WDR35: variants seen among roughly 807,000 people sequenced by gnomAD.
WDR35 encodes the protein WD repeat-containing protein 35.
In WDR35, 118 loss-of-function variants were observed where a neutral mutation model predicts 158.3. That is an observed-to-expected ratio of 0.75 (90% confidence interval 0.64 to 0.87). The LOEUF (loss-of-function observed/expected upper bound fraction) is 0.87. WDR35 is among the 40% of genes least tolerant of loss of function. The probability of loss-of-function intolerance (pLI) is 0.00; values close to 1 mark genes in which losing one functional copy is unlikely to be tolerated. For missense variants in WDR35, 1,263 were observed against 1,405.8 expected, an observed-to-expected ratio of 0.90 and a Z score of 1.62; for synonymous variants, 448 against 476.1, an observed-to-expected ratio of 0.94 and a Z score of 0.77.
At chr2:19,980,295 G>C (rs1189385951) in intron 4 of WDR35, among the ~76,000 whole-genome samples, 1 of 151,792 alleles carries the variant, frequency 6.6e-6, no homozygotes, top group Non-Finnish European at 1.5e-5. Context: ...TTTCCCCTCA[G>C]AGCTTACAGT....
chr2:19,939,737 G>T (rs1670809083), intron 17 of WDR35, among the ~76,000 whole-genome samples: 1 of 151,534 alleles, frequency 6.6e-6, no homozygotes, highest in African/African-American at 2.4e-5. Flanking sequence ...TTTCTGTTTT[G>T]CTTGAATTCT....
chr2:19,986,151 G>C (rs1672559276), intron 2 of WDR35, among the ~76,000 whole-genome samples: 2 of 152,178 alleles, frequency 1.3e-5, no homozygotes, highest in South Asian at 2.1e-4. Flanking sequence ...AAGATTTCCA[G>C]CTTGAGCAAA....
At chr2:19,980,912 C>T (rs527989888) in intron 3 of WDR35, 129 bp from the exon 4 acceptor site, 2 of 761,828 alleles carry the variant, frequency 2.6e-6, no homozygotes, top group Non-Finnish European at 4.3e-6. Context: ...CTTTAATATT[C>T]CTCAAAACCT....
intron 2 of WDR35, among the ~76,000 whole-genome samples, chr2:19,984,048 TAC>T (rs1246063022): frequency 0.015 from 315 of 21,060 alleles, 5 homozygotes; most frequent in African/African-American, 0.075. Flanking sequence ...TATACATATA[TAC>T]ACACACCCAC....
intron 9 of WDR35, among the ~76,000 whole-genome samples, chr2:19,967,643 T>C (rs1671899942): frequency 6.6e-6 from 1 of 152,034 alleles, no homozygotes; most frequent in African/African-American, 2.4e-5. Context: ...ATTATCATGA[T>C]TGTGTTTACC....
intron 25 of WDR35, among the ~76,000 whole-genome samples, chr2:19,920,462 A>G (rs1398494992): frequency 2.6e-5 from 4 of 152,242 alleles, no homozygotes; most frequent in African/African-American, 9.6e-5. Context: ...CCACATAAAC[A>G]AAACCAGTGA....
At chr2:19,987,112 G>A (rs1204997006) in intron 2 of WDR35, among the ~76,000 whole-genome samples, 4 of 152,184 alleles carry the variant, frequency 2.6e-5, no homozygotes, top group Admixed American at 2.0e-4. Context: ...ATTTATGGAC[G>A]TAGAGGATTG....
At chr2:19,977,085 G>A (rs1021881276) in intron 5 of WDR35, among the ~76,000 whole-genome samples, 3 of 152,098 alleles carry the variant, frequency 2.0e-5, no homozygotes, top group African/African-American at 7.2e-5. Context: ...TCCCGCCTTG[G>A]CTTCCCAAAG....
At chr2:19,964,948 CAG>C (rs887988045) in intron 10 of WDR35, among the ~76,000 whole-genome samples, 2 of 150,876 alleles carry the variant, frequency 1.3e-5, no homozygotes, top group African/African-American at 2.4e-5. Flanking sequence ...TTTTTTGAGA[CAG>C]AGTCTCACTT....
chr2:19,958,399 C>G (rs1424528890), intron 11 of WDR35, among the ~76,000 whole-genome samples: 1 of 152,086 alleles, frequency 6.6e-6, no homozygotes, highest in African/African-American at 2.4e-5. Context: ...TTACCTGGCA[C>G]CTAGAGCAAT....
intron 16 of WDR35, among the ~76,000 whole-genome samples, chr2:19,944,586 A>G (rs1272453821): frequency 6.6e-6 from 1 of 152,140 alleles, no homozygotes; most frequent in Non-Finnish European, 1.5e-5. Flanking sequence ...CAAGGATTAA[A>G]TTTCCCTTGG....
chr2:19,934,467 T>C lies in WDR35; in HGVS notation c.2548-956A>G, dbSNP rs1670630242. 6.6e-6 allele frequency among the ~76,000 whole-genome samples: 1 copy of C among 152,030 alleles called. No individual in the cohort carries two copies. The highest frequency in any genetic ancestry group is 1.5e-5 in the Non-Finnish European group (1 of 67,990). ...TTCCTACTTAAATATTATGTACACC[T>C]TCCCATATTATTAAAAATTCTTCTA... On this transcript the variant is annotated intron_variant, in intron 21 of 26. Coordinates refer to ENST00000281405, the MANE Select transcript of WDR35 (RefSeq NM_020779.4). The surrounding 1 kb of genome is among the most constrained non-coding windows in gnomAD (Gnocchi z 4.6).
chr2:19,981,327 A>G lies in WDR35; in HGVS notation c.215-544T>C, dbSNP rs1333976742. The stretch of plus-strand genomic sequence containing the variant: ...ACTTTAGTGTACATTTCCTAAAAAT[A>G]AAGACATTCTCTTCCATAATCATAT... On this transcript the variant is annotated intron_variant, in intron 3 of 26. Coordinates refer to ENST00000281405, the MANE Select transcript of WDR35 (RefSeq NM_020779.4). Among the ~76,000 whole-genome samples, 3 of 152,336 alleles carry G rather than the reference A, an allele frequency of 2.0e-5. No individual in the cohort carries two copies. In the East Asian group the frequency reaches 5.8e-4, roughly 29 times the overall value.
intron 1 of WDR35, 48 bp from the exon 2 acceptor site, chr2:19,989,330 G>A (rs770359194): frequency 6.8e-7 from 1 of 1,475,226 alleles, no homozygotes; most frequent in Non-Finnish European, 9.5e-7. Context: ...CGAAGGAGCT[G>A]GGAAGTAAGT....
intron 25 of WDR35, among the ~76,000 whole-genome samples, chr2:19,921,168 T>C (rs1670153784): frequency 6.6e-6 from 1 of 152,198 alleles, no homozygotes; most frequent in African/African-American, 2.4e-5. Flanking sequence ...AAGTAATTTA[T>C]AGATTCAATG....
Position 19,913,375 on chromosome 2 carries a change from T to G in WDR35, c.*183A>C. 1 of 616,442 alleles carries G rather than the reference T, an allele frequency of 1.6e-6. No homozygotes were observed. Among genetic ancestry groups the G allele is most frequent in the Non-Finnish European group, 2.6e-6 (1 of 383,334 alleles). 38.2% of individuals were successfully genotyped at this position (616,442 alleles called of 1,614,324 possible). A position where few individuals can be genotyped will look rare whatever the true frequency, so the allele number is the denominator to read the frequency against. Reference sequence around the variant, plus strand: ...ATTTATATGAAAATCGGCCTTATTATTTCACAGTTGTATTGCCATAAAAAT... The same window carrying G: ...ATTTATATGAAAATCGGCCTTATTAGTTCACAGTTGTATTGCCATAAAAAT... On this transcript the variant is annotated 3_prime_UTR_variant, in exon 27 of 27. Transcript: ENST00000281405.
intron 10 of WDR35, among the ~76,000 whole-genome samples, chr2:19,964,381 C>CTTTTTTTTTTTTTTTTTTTTTTTTTCT (rs558586617): frequency 8.8e-6 from 1 of 113,426 alleles, no homozygotes; most frequent in Non-Finnish European, 1.8e-5. Flanking sequence ...CTTTTCTTTT[C>CTTTTTTTTTTTTTTTTTTTTTTTTTCT]TTTTTTTTTT....
chr2:19,973,871 G>A (rs1672109284), intron 7 of WDR35, among the ~76,000 whole-genome samples, 163 bp from the exon 8 acceptor site: 1 of 152,228 alleles, frequency 6.6e-6, no homozygotes, highest in Non-Finnish European at 1.5e-5. Flanking sequence ...ACTTTAGGAG[G>A]CTGAGGCGGG....
chr2:19,958,789 C>T (rs1284245463), intron 11 of WDR35, among the ~76,000 whole-genome samples: 1 of 151,880 alleles, frequency 6.6e-6, no homozygotes, highest in African/African-American at 2.4e-5. Flanking sequence ...GGAAGCACAC[C>T]AAAGGTATTA....
Sources: gnomAD v4.1 joint callset for allele counts (sites outside exome capture counted in the v4.1 genomes callset) on GRCh38, gnomAD v4.1.1 for gene constraint, Gnocchi (gnomAD v3.1) non-coding constraint, MANE v1.5 for transcripts, NCBI Gene and HGNC (gene_info 2026-07-23, HGNC 2026-07-21) for gene names.